The following THRB variants were observed in gnomAD, a reference collection of about 807,000 sequenced individuals.
THRB encodes thyroid hormone receptor beta, also known as nuclear receptor subfamily 1 group A member 2.
THRB carries 12 observed loss-of-function variants against 47.8 expected under a neutral mutation model. The observed-to-expected ratio is 0.25, with a 90% CI of 0.16 to 0.41. The LOEUF (loss-of-function observed/expected upper bound fraction) is 0.41. Among genes scored for constraint, THRB ranks in the 10% least tolerant of loss-of-function variants. THRB has a pLI of 1.00. For synonymous variants in THRB, 218 were observed against 212.2 expected, an observed-to-expected ratio of 1.03 and a Z score of -0.24; for missense variants, 348 against 589.2, an observed-to-expected ratio of 0.59 and a Z score of 4.24.
chr3:24,305,517 A>C (rs1158382010), intron 2 of THRB, among the ~76,000 whole-genome samples: 1 of 152,182 alleles, frequency 6.6e-6, no homozygotes, highest in Non-Finnish European at 1.5e-5. Flanking sequence ...TAGTGGTAGA[A>C]ATCATAAGTG....
At chr3:24,301,746 T>C (rs893120202) in intron 2 of THRB, among the ~76,000 whole-genome samples, 1 of 152,226 alleles carries the variant, frequency 6.6e-6, no homozygotes, top group African/African-American at 2.4e-5. Flanking sequence ...CTATCTTACA[T>C]GGCAAAAGGG....
chr3:24,264,120 C>T (rs2052388496), intron 3 of THRB, among the ~76,000 whole-genome samples: 1 of 152,156 alleles, frequency 6.6e-6, no homozygotes. Flanking sequence ...TCCCCATTCC[C>T]CCTGATTGCA....
chr3:24,301,979 T>C (rs1341314407), intron 2 of THRB, among the ~76,000 whole-genome samples: 1 of 152,058 alleles, frequency 6.6e-6, no homozygotes, highest in East Asian at 1.9e-4. Flanking sequence ...CCTCAGAGGC[T>C]CCAGGCTGAA....
rs528954163 is a variant in THRB, at chr3:24,237,471, C to T, written c.-42-8470G>A. 7.9e-5 allele frequency among the ~76,000 whole-genome samples: 12 copies of T among 152,288 alleles called. No homozygotes were observed. In the South Asian group the frequency reaches 2.3e-3, roughly 29 times the overall value. On this transcript the variant is annotated intron_variant, in intron 3 of 10. Coordinates refer to ENST00000646209, the MANE Select transcript of THRB (RefSeq NM_001354712.2). ...TCAACTCCAGTTCAACAATCTCATT[C>T]TAGAGTTCCCCCTACTCTTTATGTT...
intron 1 of THRB, among the ~76,000 whole-genome samples, chr3:24,484,326 C>G (rs1463238508): frequency 6.6e-6 from 1 of 152,054 alleles, no homozygotes; most frequent in Admixed American, 6.5e-5. Context: ...AGTTTTAACT[C>G]TAGAGTCCTG....
intron 2 of THRB, among the ~76,000 whole-genome samples, chr3:24,320,633 G>A (rs964145907): frequency 6.6e-6 from 1 of 151,930 alleles, no homozygotes; most frequent in Non-Finnish European, 1.5e-5. Flanking sequence ...TCTTCTGGTT[G>A]GTGTTTCTAG....
chr3:24,155,690 C>A (rs1353685234), intron 5 of THRB, among the ~76,000 whole-genome samples: 1 of 152,216 alleles, frequency 6.6e-6, no homozygotes, highest in Admixed American at 6.5e-5. Flanking sequence ...AAATGAGTTA[C>A]ACAATGGTCA....
At chr3:24,394,122 G>A (rs1343844748) in intron 1 of THRB, among the ~76,000 whole-genome samples, 1 of 152,130 alleles carries the variant, frequency 6.6e-6, no homozygotes, top group African/African-American at 2.4e-5. Flanking sequence ...GTTGTGTGGT[G>A]GGGCCAGGAT....
chr3:24,480,088 C>T (rs1278108314), intron 1 of THRB, among the ~76,000 whole-genome samples: 14 of 152,236 alleles, frequency 9.2e-5, no homozygotes. Context: ...ATAATGCCCA[C>T]TTTACTGGCT....
In THRB at chr3:24,427,084, GAGACA is replaced by G. The variant is rs750380587; in HGVS notation, c.-261+67563_-261+67567del. 2.0e-5 allele frequency among the ~76,000 whole-genome samples: 3 copies of G among 151,974 alleles called. 1 individual carries two copies. In the South Asian group the frequency reaches 6.2e-4, roughly 31 times the overall value. On this transcript the variant is annotated intron_variant, in intron 1 of 10. Transcript: ENST00000646209. ...CCTTCCATTCATCATTGACATGTGA[GAGACA>G]AGACAAGGTTTTTGACAAAAAGGGG...
intron 3 of THRB, among the ~76,000 whole-genome samples, chr3:24,275,628 G>C (rs188047569): frequency 6.6e-6 from 1 of 152,310 alleles, no homozygotes; most frequent in South Asian, 2.1e-4. Flanking sequence ...ATTCCAACAT[G>C]AGCGAGATGA....
intron 3 of THRB, among the ~76,000 whole-genome samples, chr3:24,234,522 A>T (rs2048670250): frequency 6.6e-6 from 1 of 152,212 alleles, no homozygotes; most frequent in Non-Finnish European, 1.5e-5. Flanking sequence ...AGAGGAATCC[A>T]TCAACCCAAG....
chr3:24,381,731 A>G (rs2065729636), intron 1 of THRB, among the ~76,000 whole-genome samples: 3 of 152,148 alleles, frequency 2.0e-5, no homozygotes, highest in Admixed American at 6.6e-5. Flanking sequence ...ATAACTAGCC[A>G]TAATCTCAGT....
chr3:24,119,005 AGT>A lies in THRB; in HGVS notation c.*3877_*3878del, dbSNP rs2031156270. ...TTTTTTTTTTTTTTTTTTTTTTTTGAGTGTGTTTTTAATGCATTTTTTTTAAA... is the reference window on the plus strand; with the variant it reads ...TTTTTTTTTTTTTTTTTTTTTTTTGAGTGTTTTTAATGCATTTTTTTTAAA... On this transcript the variant is annotated 3_prime_UTR_variant, in exon 11 of 11. Transcript: ENST00000646209. 1 of 24,476 alleles carries A rather than the reference AGT, an allele frequency of 4.1e-5. No homozygotes were observed. Among genetic ancestry groups the A allele is most frequent in the Non-Finnish European group, 9.1e-5 (1 of 11,038 alleles). The allele number at this position is 24,476 out of a possible 1,614,324, so 1.5% of individuals were successfully genotyped here. A position where few individuals can be genotyped will look rare whatever the true frequency, so the allele number is the denominator to read the frequency against.
chr3:24,173,686 A>G (rs559267538), intron 5 of THRB, among the ~76,000 whole-genome samples: 8 of 152,284 alleles, frequency 5.3e-5, no homozygotes, highest in African/African-American at 1.9e-4. Flanking sequence ...AGTTCTTTTC[A>G]GTCATCTTCA....
At chr3:24,396,775 G>A (rs1475534026) in intron 1 of THRB, among the ~76,000 whole-genome samples, 1 of 152,088 alleles carries the variant, frequency 6.6e-6, no homozygotes, top group East Asian at 1.9e-4. Flanking sequence ...ATTACTTGAG[G>A]AGTTTCACTT....
chr3:24,122,634 C>T lies in THRB; in HGVS notation c.*250G>A. On this transcript the variant is annotated 3_prime_UTR_variant, in exon 11 of 11. Coordinates refer to ENST00000646209, the MANE Select transcript of THRB (RefSeq NM_001354712.2). ...TTGGTGCTGGTGAGTTAATGATTGT[C>T]CCCCACCCCACCTCCACAACCATAA... 1 of 533,858 alleles carries T rather than the reference C, an allele frequency of 1.9e-6. No homozygotes were observed. The highest frequency in any genetic ancestry group is 3.4e-5 in the East Asian group (1 of 29,492). The allele number at this position is 533,858 out of a possible 1,614,324, so 33.1% of individuals were successfully genotyped here.
chr3:24,227,806 G>A (rs928686423), intron 4 of THRB, among the ~76,000 whole-genome samples: 19 of 152,180 alleles, frequency 1.2e-4, no homozygotes, highest in Non-Finnish European at 2.6e-4. Flanking sequence ...CTGCATCCTC[G>A]ACACACAGAG....
chr3:24,212,577 CAAAAAAA>C (rs1199010853), intron 4 of THRB, among the ~76,000 whole-genome samples: 9 of 84,102 alleles, frequency 1.1e-4, no homozygotes, highest in South Asian at 1.1e-3. Flanking sequence ...GACTCCGTCT[CAAAAAAA>C]AAAAAAAAAA....
Sources: gnomAD v4.1 joint callset for allele counts (sites outside exome capture counted in the v4.1 genomes callset) on GRCh38, gnomAD v4.1.1 for gene constraint, MANE v1.5 for transcripts, NCBI Gene and HGNC (gene_info 2026-07-23, HGNC 2026-07-21) for gene names.